Variants in ABCC9 observed in about 807,000 individuals in gnomAD.
ABCC9 encodes ATP binding cassette subfamily C member 9.
A neutral mutation model predicts 188.3 loss-of-function variants in ABCC9; 95 were observed. The ratio of observed to expected loss-of-function variants is 0.50; its 90% CI spans 0.43 to 0.60. The LOEUF is 0.60. Ranked by LOEUF, ABCC9 falls within the 20% of genes least tolerant of loss-of-function variation. The probability of loss-of-function intolerance (pLI) is 0.00; values close to 1 mark genes in which losing one functional copy is unlikely to be tolerated. For missense variants in ABCC9, 1,102 were observed against 1,876.3 expected (o/e 0.59, Z 7.62); for synonymous variants, 659 against 652.7 (o/e 1.01, Z -0.15).
chr12:21,873,984 A>G (rs1014403934), intron 17 of ABCC9, among the ~76,000 whole-genome samples: 8 of 152,162 alleles, frequency 5.3e-5, no homozygotes, highest in African/African-American at 1.7e-4. Context: ...AGCACAGGCA[A>G]TAAAACCAAA....
intron 29 of ABCC9, 105 bp from the exon 30 acceptor site, chr12:21,838,275 T>C: frequency 2.2e-6 from 2 of 919,898 alleles, no homozygotes; most frequent in Non-Finnish European, 1.7e-6. Context: ...TTTGTTTTCC[T>C]CATTGAAATT....
intron 16 of ABCC9, among the ~76,000 whole-genome samples, chr12:21,878,257 G>C (rs1830398094): frequency 6.6e-6 from 1 of 152,166 alleles, no homozygotes; most frequent in African/African-American, 2.4e-5. Context: ...AACACACAAT[G>C]GTGAAATTCT....
intron 31 of ABCC9, among the ~76,000 whole-genome samples, chr12:21,825,398 G>A (rs1211892705): frequency 6.6e-6 from 1 of 152,132 alleles, no homozygotes; most frequent in Non-Finnish European, 1.5e-5. Flanking sequence ...CAACCCAAAT[G>A]CCCATCAATG....
Position 21,870,203 on chromosome 12 carries a change from G to T in ABCC9, c.2198+2422C>A, listed in dbSNP as rs1030770069. The stretch of plus-strand genomic sequence containing the variant: ...ATTTTAGGAATATTGAAGACATTAA[G>T]AATTAACCTTTTATTGACTTTTTAT... On this transcript the variant is annotated intron_variant, in intron 18 of 39. Transcript: ENST00000261200. Among the ~76,000 whole-genome samples the T allele has an allele frequency of 7.3e-5, 11 of 151,654 alleles. No homozygotes were observed. In the East Asian group the frequency reaches 1.6e-3, roughly 22 times the overall value.
In ABCC9 at chr12:21,815,896, G is replaced by A. The variant is rs762931725; in HGVS notation, c.3893-3C>T. The A allele has an allele frequency of 5.0e-6, 8 of 1,612,326 alleles. No individual in the cohort carries two copies. Among genetic ancestry groups the A allele is most frequent in the Non-Finnish European group, 6.8e-6 (8 of 1,179,068 alleles). Reference sequence around the variant, plus strand: ...ATGTTCTGGAACTTGAGAAGGATCTGGAGGATGGGATGGGGAAATAGACAG... The same window carrying A: ...ATGTTCTGGAACTTGAGAAGGATCTAGAGGATGGGATGGGGAAATAGACAG... On this transcript the variant is annotated splice_region_variant and splice_polypyrimidine_tract_variant and intron_variant, in intron 33 of 39. Coordinates refer to ENST00000261200, the MANE Select transcript of ABCC9 (RefSeq NM_020297.4).
At chr12:21,852,781 A>T (rs557524883) in intron 22 of ABCC9, among the ~76,000 whole-genome samples, 6 of 152,234 alleles carry the variant, frequency 3.9e-5, no homozygotes, top group African/African-American at 9.6e-5. Context: ...AAAATAAAAT[A>T]AAAAAGGGCC....
At chr12:21,900,150 G>GCAATATT (rs1259790928) in intron 12 of ABCC9, among the ~76,000 whole-genome samples, 1 of 152,182 alleles carries the variant, frequency 6.6e-6, no homozygotes, top group Non-Finnish European at 1.5e-5. Flanking sequence ...TTGCTGTTCA[G>GCAATATT]CAATATTCTC....
chr12:21,812,062 TGAATAGTATTG>T lies in ABCC9; in HGVS notation c.4187_4197del (p.Pro1396GlnfsTer5). The T allele has an allele frequency of 6.2e-7, 1 of 1,607,702 alleles. No homozygotes were observed. Among genetic ancestry groups the T allele is most frequent in the Non-Finnish European group, 8.5e-7 (1 of 1,174,340 alleles). ...TATGTTACCTACCTAATGGAACCAC[TGAATAGTATTG>T]GATCCTGCAGAATGATTGAAAGTCT... On this transcript the variant is annotated frameshift_variant, in exon 36 of 40. Coordinates refer to ENST00000261200, the MANE Select transcript of ABCC9 (RefSeq NM_020297.4). LOFTEE classifies it high-confidence loss of function.
chr12:21,799,566 C>A lies in ABCC9; in HGVS notation c.*1478G>T, dbSNP rs1273283956. 3 of 152,114 alleles carry A rather than the reference C, an allele frequency of 2.0e-5. No homozygotes were observed. The highest frequency in any genetic ancestry group is 7.2e-5 in the African/African-American group (3 of 41,428). 9.4% of individuals were successfully genotyped at this position (152,114 alleles called of 1,614,324 possible). A position where few individuals can be genotyped will look rare whatever the true frequency, so the allele number is the denominator to read the frequency against. ...GACCATTTTTGTCCATCTTGTGGAACTTATTTTTTTGTAAATATAAAGATT... is the reference window on the plus strand; with the variant it reads ...GACCATTTTTGTCCATCTTGTGGAAATTATTTTTTTGTAAATATAAAGATT... On this transcript the variant is annotated 3_prime_UTR_variant, in exon 40 of 40. Transcript: ENST00000261200.
intron 31 of ABCC9, among the ~76,000 whole-genome samples, chr12:21,822,645 G>C (rs1943115461): frequency 2.2e-5 from 3 of 139,218 alleles, no homozygotes; most frequent in Admixed American, 1.4e-4. Context: ...ACAAAAATTA[G>C]CTGGGTGTGA....
intron 8 of ABCC9, among the ~76,000 whole-genome samples, chr12:21,912,257 TAGAA>T (rs970907498): frequency 4.6e-5 from 7 of 152,056 alleles, no homozygotes; most frequent in African/African-American, 7.2e-5. Context: ...AATCAATACT[TAGAA>T]AGAAAGTAGG....
intron 37 of ABCC9, among the ~76,000 whole-genome samples, chr12:21,808,324 G>A (rs1056084897): frequency 6.6e-6 from 1 of 152,038 alleles, no homozygotes; most frequent in Non-Finnish European, 1.5e-5. Flanking sequence ...TCTTCATTAA[G>A]CCCTGGTCAT....
chr12:21,847,003 G>A (rs1450978022), intron 25 of ABCC9, among the ~76,000 whole-genome samples: 1 of 152,018 alleles, frequency 6.6e-6, no homozygotes, highest in Non-Finnish European at 1.5e-5. Flanking sequence ...GAGAAAGGAA[G>A]TACCCTCTAC....
chr12:21,899,922 C>T (rs1947634455), intron 12 of ABCC9, among the ~76,000 whole-genome samples: 1 of 152,182 alleles, frequency 6.6e-6, no homozygotes, highest in Admixed American at 6.5e-5. Flanking sequence ...AAAACCTCTG[C>T]AGACTTAAAT....
intron 5 of ABCC9, chr12:21,924,827 C>A (rs1158507556): frequency 6.6e-6 from 1 of 151,950 alleles, no homozygotes; most frequent in African/African-American, 2.4e-5. Context: ...GCACAAAAGA[C>A]CTTTCTATTA....
At chr12:21,884,060 A>C (rs1166272696) in intron 15 of ABCC9, among the ~76,000 whole-genome samples, 1 of 150,588 alleles carries the variant, frequency 6.6e-6, no homozygotes, top group Non-Finnish European at 1.5e-5. Flanking sequence ...TCAGTATTTC[A>C]ACATAAATAA....
chr12:21,808,778 C>CAAAAAAAAA (rs34314026), intron 37 of ABCC9, among the ~76,000 whole-genome samples: 1 of 80,508 alleles, frequency 1.2e-5, no homozygotes, highest in African/African-American at 4.7e-5. Flanking sequence ...GAACTTGTCT[C>CAAAAAAAAA]AAAAAAAAAA....
At chr12:21,821,839 G>C (rs1246578434) in intron 31 of ABCC9, among the ~76,000 whole-genome samples, 9 of 151,954 alleles carry the variant, frequency 5.9e-5, no homozygotes, top group Non-Finnish European at 5.9e-5. Context: ...ACAGATGATG[G>C]GAGAAAAAGG....
chr12:21,918,741 A>G (rs181734789), intron 5 of ABCC9, among the ~76,000 whole-genome samples: 11 of 152,220 alleles, frequency 7.2e-5, no homozygotes, highest in Admixed American at 2.0e-4. Flanking sequence ...TGCTGGCTCA[A>G]TAAAGACTCT....
Sources: gnomAD v4.1 joint callset for allele counts (sites outside exome capture counted in the v4.1 genomes callset) on GRCh38, gnomAD v4.1.1 for gene constraint, MANE v1.5 for transcripts, NCBI Gene and HGNC (gene_info 2026-07-23, HGNC 2026-07-21) for gene names.